The following IGF2BP3 variants were observed in gnomAD, a reference collection of about 807,000 sequenced individuals.
IGF2BP3 encodes insulin-like growth factor 2 mRNA-binding protein 3.
In IGF2BP3, 9 loss-of-function variants were observed where a neutral mutation model predicts 73.8. The observed-to-expected ratio is 0.12, with a 90% CI of 0.07 to 0.21. The LOEUF is 0.21. IGF2BP3 is among the 10% of genes least tolerant of loss of function. The pLI is 1.00. For synonymous variants in IGF2BP3, 258 were observed against 256.7 expected (o/e 1.01, Z -0.05); for missense variants, 542 against 714.0 (o/e 0.76, Z 2.75).
intron 2 of IGF2BP3, among the ~76,000 whole-genome samples, chr7:23,441,021 C>T (rs549635241): frequency 6.6e-6 from 1 of 152,146 alleles, no homozygotes; most frequent in Admixed American, 6.5e-5. Flanking sequence ...ACATAAATAA[C>T]TTAAAAATTA....
At position 23,361,525 on chromosome 7, in the gene IGF2BP3, G is replaced by T; in HGVS notation, c.401+9C>A. The T allele has an allele frequency of 6.2e-7, 1 of 1,607,810 alleles. No homozygotes were observed. Among genetic ancestry groups the T allele is most frequent in the Non-Finnish European group, 8.5e-7 (1 of 1,176,040 alleles). ...ATTATATATAGATTAAAAGCTTCAA[G>T]CTGCTTACTGTCTAGCTTGGTCCTT... is the stretch of plus-strand genomic sequence containing the variant. On this transcript the variant is annotated intron_variant, in intron 5 of 14. Coordinates refer to ENST00000258729, the MANE Select transcript of IGF2BP3 (RefSeq NM_006547.3).
intron 3 of IGF2BP3, among the ~76,000 whole-genome samples, chr7:23,387,895 G>A (rs1173483877): frequency 6.6e-6 from 1 of 152,156 alleles, no homozygotes; most frequent in Non-Finnish European, 1.5e-5. Flanking sequence ...ACCTGCTGGT[G>A]AGAACATAAA....
chr7:23,401,056 C>A (rs577127334), intron 3 of IGF2BP3, among the ~76,000 whole-genome samples: 2 of 152,296 alleles, frequency 1.3e-5, no homozygotes, highest in South Asian at 4.1e-4. Context: ...CTGCCTCCCC[C>A]AAAGTGCTGG....
intron 2 of IGF2BP3, among the ~76,000 whole-genome samples, chr7:23,457,246 T>G: frequency 6.6e-6 from 1 of 152,056 alleles, no homozygotes; most frequent in African/African-American, 2.4e-5. Flanking sequence ...GAGGATCACT[T>G]GAGGTCAGGA....
At chr7:23,428,732 A>G (rs1052847027) in intron 2 of IGF2BP3, among the ~76,000 whole-genome samples, 11 of 140,830 alleles carry the variant, frequency 7.8e-5, no homozygotes, top group Non-Finnish European at 1.1e-4. Flanking sequence ...TTTAGGGGGA[A>G]AAAAAAAAAA....
At chr7:23,358,093 T>C (rs1583930278) in intron 5 of IGF2BP3, among the ~76,000 whole-genome samples, 1 of 152,358 alleles carries the variant, frequency 6.6e-6, no homozygotes, top group Non-Finnish European at 1.5e-5. Flanking sequence ...GGAGGCATTA[T>C]CTTAGTTTTT....
intron 3 of IGF2BP3, among the ~76,000 whole-genome samples, chr7:23,366,986 T>G (rs1054171381): frequency 1.3e-5 from 2 of 148,818 alleles, no homozygotes; most frequent in Non-Finnish European, 3.0e-5. Flanking sequence ...TCTCACATTT[T>G]GCTTTTTTTT....
intron 10 of IGF2BP3, among the ~76,000 whole-genome samples, chr7:23,321,860 G>T (rs1175443570): frequency 6.6e-6 from 1 of 152,154 alleles, no homozygotes; most frequent in East Asian, 1.9e-4. Context: ...GCAGCTGAGG[G>T]TCCTGTCTGT....
intron 12 of IGF2BP3, among the ~76,000 whole-genome samples, chr7:23,314,620 GC>G (rs1783927040): frequency 6.6e-6 from 1 of 151,726 alleles, no homozygotes; most frequent in Non-Finnish European, 1.5e-5. Context: ...TTTTTTTTGA[GC>G]AAAAGAGACA....
intron 2 of IGF2BP3, among the ~76,000 whole-genome samples, chr7:23,434,310 GT>G (rs900216281): frequency 6.6e-6 from 1 of 152,090 alleles, no homozygotes; most frequent in Non-Finnish European, 1.5e-5. Flanking sequence ...CCTTGGGTTT[GT>G]TTTTGTTCGT....
chr7:23,360,361 TA>T (rs939403211), intron 5 of IGF2BP3, among the ~76,000 whole-genome samples: 1 of 152,178 alleles, frequency 6.6e-6, no homozygotes, highest in Non-Finnish European at 1.5e-5. Context: ...TATGTAACTA[TA>T]AAAAATATAT....
rs527556397 is a variant in IGF2BP3, at chr7:23,378,335, T to TA, written c.286-16595dup. Among the ~76,000 whole-genome samples, 805 of 147,202 alleles carry TA rather than the reference T, an allele frequency of 5.5e-3. 6 individuals carry two copies. The highest frequency in any genetic ancestry group is 7.9e-3 in the Non-Finnish European group (535 of 67,330). On this transcript the variant is annotated intron_variant, in intron 3 of 14. Coordinates refer to ENST00000258729, the MANE Select transcript of IGF2BP3 (RefSeq NM_006547.3). ...ATGAAAACAAATATCAAATCTGAAT[T>TA]ACACTGGCCTTTAGATAGTTTTCAA...
At chr7:23,426,960 G>A (rs1184696265) in intron 2 of IGF2BP3, among the ~76,000 whole-genome samples, 1 of 152,188 alleles carries the variant, frequency 6.6e-6, no homozygotes, top group South Asian at 2.1e-4. Flanking sequence ...AGCATACTAA[G>A]TATAGTAAAG....
chr7:23,340,177 A>G (rs538805176), intron 10 of IGF2BP3, among the ~76,000 whole-genome samples: 33 of 152,278 alleles, frequency 2.2e-4, no homozygotes, highest in African/African-American at 7.9e-4. Context: ...GCATCAAAGT[A>G]AAAACATGCC....
At position 23,458,339 on chromosome 7, in the gene IGF2BP3, C is replaced by G. The variant is rs115894172; in HGVS notation, c.236+10143G>C. 7.6e-3 allele frequency among the ~76,000 whole-genome samples: 1,159 copies of G among 152,132 alleles called. 10 individuals carry two copies. Among genetic ancestry groups the G allele is most frequent in the African/African-American group, 0.027 (1,103 of 41,498 alleles). Reference sequence around the variant, plus strand: ...TTCAGTTCAACAAAGACACATGTGGCAAGCAACCAGTCTCCTCACCGAGAG... The same window carrying G: ...TTCAGTTCAACAAAGACACATGTGGGAAGCAACCAGTCTCCTCACCGAGAG... On this transcript the variant is annotated intron_variant, in intron 2 of 14. Coordinates refer to ENST00000258729, the MANE Select transcript of IGF2BP3 (RefSeq NM_006547.3).
intron 10 of IGF2BP3, among the ~76,000 whole-genome samples, chr7:23,322,679 G>A (rs1474592338): frequency 4.0e-4 from 61 of 152,142 alleles, no homozygotes; most frequent in Non-Finnish European, 7.6e-4. Context: ...GAGAAAGGTC[G>A]GGTTACCCAC....
Position 23,339,255 on chromosome 7 carries a change from A to G in IGF2BP3, c.1203+2809T>C, listed in dbSNP as rs536034146. 2.6e-5 allele frequency among the ~76,000 whole-genome samples: 4 copies of G among 152,386 alleles called. No homozygotes were observed. The South Asian group carries it at 6.2e-4, about 24-fold the overall frequency. On this transcript the variant is annotated intron_variant, in intron 10 of 14. Transcript: ENST00000258729. ...TGGCTCAACTTTTATTTAAGTAAAC[A>G]TCACCGACCTCCTCCTCCCATTCTT...
At chr7:23,397,073 A>C (rs1451534630) in intron 3 of IGF2BP3, among the ~76,000 whole-genome samples, 1 of 152,194 alleles carries the variant, frequency 6.6e-6, no homozygotes, top group Non-Finnish European at 1.5e-5. Context: ...CAGACCCAGA[A>C]ACCCCATACC....
chr7:23,314,536 C>T (rs1389060138), intron 12 of IGF2BP3, among the ~76,000 whole-genome samples: 1 of 151,726 alleles, frequency 6.6e-6, no homozygotes, highest in Non-Finnish European at 1.5e-5. Context: ...ATCACAAACT[C>T]CTGGGCTCAA....
Sources: allele counts gnomAD v4.1 joint callset (sites outside exome capture counted in the v4.1 genomes callset), GRCh38; gene constraint gnomAD v4.1.1; transcripts MANE v1.5; gene names NCBI Gene and HGNC (gene_info 2026-07-23, HGNC 2026-07-21).